Variants in REV1 observed in about 807,000 individuals in gnomAD.
REV1 encodes the protein REV1 DNA directed polymerase, also known as translesion synthesis protein REV1.
A neutral mutation model predicts 137.4 loss-of-function variants in REV1; 42 were observed. The observed-to-expected ratio is 0.31, with a 90% confidence interval of 0.24 to 0.40. The LOEUF is 0.40. Among genes scored for constraint, REV1 ranks in the 10% least tolerant of loss-of-function variants. The pLI is 1.00. For synonymous variants in REV1, 524 were observed against 519.2 expected, an observed-to-expected ratio of 1.01 and a Z score of -0.12; for missense variants, 1,282 against 1,490.1, an observed-to-expected ratio of 0.86 and a Z score of 2.30.
chr2:99,428,755 G>A (rs545113180), intron 9 of REV1, among the ~76,000 whole-genome samples: 1 of 152,270 alleles, frequency 6.6e-6, no homozygotes, highest in East Asian at 1.9e-4. Flanking sequence ...CAGCACTTTG[G>A]GAGGCTGAGG....
intron 1 of REV1, 98 bp downstream of exon 1, chr2:99,489,719 C>T (rs1687503093): frequency 6.8e-6 from 1 of 146,384 alleles, no homozygotes; most frequent in African/African-American, 2.6e-5. Flanking sequence ...AGGCCGACCG[C>T]GCTCTGGCCG....
At chr2:99,406,645 C>T (rs1676334986) in intron 15 of REV1, 155 bp from the exon 16 acceptor site, 2 of 533,216 alleles carry the variant, frequency 3.8e-6, no homozygotes, top group Admixed American at 4.0e-5. Context: ...TTCTATATGA[C>T]TTATTACAAA....
chr2:99,486,734 G>C (rs1485506680), intron 1 of REV1, among the ~76,000 whole-genome samples: 1 of 152,206 alleles, frequency 6.6e-6, no homozygotes. Context: ...TGATTCCAGA[G>C]CCAATATTTA....
At chr2:99,449,905 T>C (rs903735533) in intron 3 of REV1, among the ~76,000 whole-genome samples, 1 of 152,178 alleles carries the variant, frequency 6.6e-6, no homozygotes, top group Non-Finnish European at 1.5e-5. Context: ...GACTAATCCT[T>C]CCACTCCTCC....
intron 12 of REV1, among the ~76,000 whole-genome samples, chr2:99,417,093 T>A (rs561809688): frequency 6.6e-6 from 1 of 152,216 alleles, no homozygotes; most frequent in South Asian, 2.1e-4. Context: ...TCCCCAAATT[T>A]ATATGCTGAA....
rs766174901 is a variant in REV1 at position 99,421,546 on chromosome 2, C to A, written c.1784G>T (p.Arg595Leu). 1 of 1,614,006 alleles carries A rather than the reference C, an allele frequency of 6.2e-7. No homozygotes were observed. Among genetic ancestry groups the A allele is most frequent in the South Asian group, 1.1e-5 (1 of 91,076 alleles). Residue 595 changes from arginine (R) to leucine (L), a missense_variant, in exon 11 of 23, where the codon CGT becomes CTT. This residue lies in a region of REV1 where 372 missense variants were observed against 482.3 expected (regional missense o/e 0.77). Coordinates refer to ENST00000258428, the MANE Select transcript of REV1 (RefSeq NM_016316.4). ...TTTCGTCTGGTCTTTGATTTCCATA[C>A]GAACAGCATTTGCAAATTCATCAGG... Reference protein sequence around the residue: ...LTPDEFANAVRMEIKDQTKCA... With the variant: ...LTPDEFANAVLMEIKDQTKCA...
chr2:99,442,785 A>G (rs1314526776), intron 4 of REV1, among the ~76,000 whole-genome samples: 1 of 152,228 alleles, frequency 6.6e-6, no homozygotes, highest in Admixed American at 6.5e-5. Context: ...CAAGATAAAT[A>G]AACTGAATAA....
chr2:99,432,145 T>C (rs1230006015), intron 8 of REV1, among the ~76,000 whole-genome samples: 1 of 152,152 alleles, frequency 6.6e-6, no homozygotes, highest in African/African-American at 2.4e-5. Flanking sequence ...GTGTGACTAC[T>C]GAGTACTGCT....
Position 99,429,903 on chromosome 2 carries a change from T to C in REV1, c.1484A>G (p.Gln495Arg), listed in dbSNP as rs766161358. The C allele has an allele frequency of 1.2e-6, 2 of 1,603,606 alleles. No homozygotes were observed. Among genetic ancestry groups the C allele is most frequent in the Non-Finnish European group, 1.7e-6 (2 of 1,175,338 alleles). ...CAAAACAGAATCAATTCCATTTGCT[T>C]GCGCAGAATCTGGATTCTCCCACAA... is the stretch of plus-strand genomic sequence containing the variant. The part of the protein sequence containing the change: ...SSLWENPDSA[Q>R]ANGIDSVLSR... Residue 495 changes from glutamine (Q) to arginine (R), a missense_variant, in exon 9 of 23, where the codon CAA becomes CGA. This residue lies in a region of REV1 where 432 missense variants were observed against 438.0 expected (regional missense o/e 0.99). Transcript: ENST00000258428.
At chr2:99,473,399 A>G (rs888097515) in intron 1 of REV1, among the ~76,000 whole-genome samples, 10 of 151,956 alleles carry the variant, frequency 6.6e-5, no homozygotes, top group Non-Finnish European at 1.2e-4. Context: ...AGAAAAGAAA[A>G]AAGAAAAAAA....
chr2:99,432,209 G>A (rs771180203), intron 8 of REV1, among the ~76,000 whole-genome samples: 2 of 152,112 alleles, frequency 1.3e-5, no homozygotes, highest in African/African-American at 4.8e-5. Context: ...CTGGTTGCAC[G>A]GGGCTAATTA....
intron 11 of REV1, 70 bp downstream of exon 11, chr2:99,421,429 C>A: frequency 6.9e-7 from 1 of 1,450,988 alleles, no homozygotes; most frequent in Non-Finnish European, 9.3e-7. Flanking sequence ...AAGAAAAACT[C>A]CATAAAATTA....
intron 14 of REV1, among the ~76,000 whole-genome samples, chr2:99,408,578 A>G (rs546706037): frequency 2.6e-5 from 4 of 152,348 alleles, no homozygotes; most frequent in Non-Finnish European, 2.9e-5. Context: ...AATTCTCTGT[A>G]TGTTGTTTCT....
chr2:99,475,214 G>A (rs1304713799), intron 1 of REV1, among the ~76,000 whole-genome samples: 1 of 152,190 alleles, frequency 6.6e-6, no homozygotes, highest in Non-Finnish European at 1.5e-5. Context: ...TCATACTGCT[G>A]TGTCTGGTTT....
chr2:99,424,721 T>A (rs954893236), intron 9 of REV1: 1 of 1,276,472 alleles, frequency 7.8e-7, no homozygotes, highest in African/African-American at 1.5e-5. Context: ...ACAAAAGAAC[T>A]ACACAAAACA....
At chr2:99,485,295 TTC>T (rs1687022359) in intron 1 of REV1, among the ~76,000 whole-genome samples, 1 of 152,216 alleles carries the variant, frequency 6.6e-6, no homozygotes, top group Admixed American at 6.5e-5. Flanking sequence ...CATCAATTCT[TTC>T]TTCTCTTATT....
Position 99,402,773 on chromosome 2 carries a change from C to T in REV1, c.3412G>A (p.Val1138Met). 6.2e-7 allele frequency: 1 copy of T among 1,614,198 alleles called. No individual in the cohort carries two copies. The highest frequency in any genetic ancestry group is 8.5e-7 in the Non-Finnish European group (1 of 1,180,034). Residue 1138 changes from valine (V) to methionine (M), a missense_variant, in exon 21 of 23, where the codon GTG (valine) becomes ATG (methionine). Around this residue, in one of 7 missense-constraint regions of REV1, gnomAD observed 170 missense variants for 156.8 expected, o/e 1.08. Transcript: ENST00000258428. ...LEELSASTSG[V>M]PGLSSLQSDP... ...GACTGCAAACTAGAAAGGCCTGGCA[C>T]ACCTGAAGTAGAAGCAGAGAGTTCT...
At chr2:99,471,889 T>TAA (rs947603744) in intron 1 of REV1, among the ~76,000 whole-genome samples, 102 of 93,386 alleles carry the variant, frequency 1.1e-3, no homozygotes, top group South Asian at 8.7e-3. Flanking sequence ...TAGCTACTAT[T>TAA]AAAAAAAAAA....
chr2:99,423,908 C>G (rs2104624019), intron 10 of REV1, among the ~76,000 whole-genome samples: 1 of 152,268 alleles, frequency 6.6e-6, no homozygotes, highest in Non-Finnish European at 1.5e-5. Flanking sequence ...AGCAAATAAT[C>G]AGATCTTACA....
Sources: allele counts gnomAD v4.1 joint callset (sites outside exome capture counted in the v4.1 genomes callset), GRCh38; gene constraint gnomAD v4.1.1; regional missense constraint gnomAD v4.1.1; transcripts MANE v1.5; gene names NCBI Gene and HGNC (gene_info 2026-07-23, HGNC 2026-07-21).